The following CBLB variants were observed in gnomAD, a reference collection of about 807,000 sequenced individuals.
CBLB encodes Cbl proto-oncogene B.
CBLB carries 31 observed loss-of-function variants against 104.9 expected under a neutral mutation model. The observed-to-expected ratio is 0.30, with a 90% CI of 0.22 to 0.40. The LOEUF (loss-of-function observed/expected upper bound fraction) is 0.40. Ranked by LOEUF, CBLB falls within the 10% of genes least tolerant of loss-of-function variation. The pLI is 1.00. For synonymous variants in CBLB, 440 were observed against 422.6 expected (o/e 1.04, Z -0.51); for missense variants, 1,062 against 1,214.6 (o/e 0.87, Z 1.87).
intron 3 of CBLB, among the ~76,000 whole-genome samples, chr3:105,853,024 C>T (rs2091158127): frequency 6.6e-6 from 1 of 152,202 alleles, no homozygotes; most frequent in South Asian, 2.1e-4. Context: ...GCCTTTTATA[C>T]AGTATTTTTA....
chr3:105,778,379 G>A (rs1256344142), intron 3 of CBLB, among the ~76,000 whole-genome samples: 1 of 152,022 alleles, frequency 6.6e-6, no homozygotes, highest in Non-Finnish European at 1.5e-5. Flanking sequence ...CATTTAATAT[G>A]CACCTGACAA....
chr3:105,690,123 A>G (rs1227191677), intron 13 of CBLB, among the ~76,000 whole-genome samples: 1 of 152,180 alleles, frequency 6.6e-6, no homozygotes, highest in Non-Finnish European at 1.5e-5. Context: ...TTATAACAAC[A>G]TAGTATAAAT....
chr3:105,696,973 C>T (rs1345209979), intron 12 of CBLB, among the ~76,000 whole-genome samples: 1 of 151,928 alleles, frequency 6.6e-6, no homozygotes, highest in Non-Finnish European at 1.5e-5. Flanking sequence ...CAGTGACCCT[C>T]TTGCATGAAG....
intron 3 of CBLB, among the ~76,000 whole-genome samples, chr3:105,836,639 T>C (rs2088563830): frequency 6.6e-6 from 1 of 152,160 alleles, no homozygotes; most frequent in South Asian, 2.1e-4. Context: ...TGACGGTTTC[T>C]TACATGAAGG....
chr3:105,836,708 T>C (rs1385478145), intron 3 of CBLB, among the ~76,000 whole-genome samples: 1 of 151,982 alleles, frequency 6.6e-6, no homozygotes, highest in Admixed American at 6.6e-5. Flanking sequence ...CTAGTTAACT[T>C]ACAAAAACAC....
chr3:105,784,961 T>C (rs576055062), intron 3 of CBLB, among the ~76,000 whole-genome samples: 1 of 152,352 alleles, frequency 6.6e-6, no homozygotes, highest in African/African-American at 2.4e-5. Flanking sequence ...TGTTGAATTC[T>C]CAAATGCACC....
intron 7 of CBLB, among the ~76,000 whole-genome samples, chr3:105,737,796 T>C (rs1375280119): frequency 6.6e-6 from 1 of 152,142 alleles, no homozygotes; most frequent in Non-Finnish European, 1.5e-5. Flanking sequence ...CACAAACACA[T>C]GTGCACATAT....
chr3:105,829,703 C>CAAAAAAAAAAAAAAAA (rs1553844797), intron 3 of CBLB, among the ~76,000 whole-genome samples: 2 of 60,104 alleles, frequency 3.3e-5, no homozygotes, highest in Non-Finnish European at 3.6e-5. Context: ...AAAAAAAAAC[C>CAAAAAAAAAAAAAAAA]AAACTGCAGC....
intron 9 of CBLB, among the ~76,000 whole-genome samples, chr3:105,730,678 G>A (rs1277253193): frequency 6.6e-6 from 1 of 152,044 alleles, no homozygotes; most frequent in Non-Finnish European, 1.5e-5. Flanking sequence ...TTAATGATGA[G>A]CTGCTTTGTG....
At chr3:105,772,587 C>T (rs1488085534) in intron 4 of CBLB, among the ~76,000 whole-genome samples, 1 of 152,130 alleles carries the variant, frequency 6.6e-6, no homozygotes, top group Non-Finnish European at 1.5e-5. Flanking sequence ...ACAACTCACA[C>T]AGTGGGAGAA....
At chr3:105,788,951 C>T (rs2081330120) in intron 3 of CBLB, among the ~76,000 whole-genome samples, 1 of 152,150 alleles carries the variant, frequency 6.6e-6, no homozygotes, top group Non-Finnish European at 1.5e-5. Flanking sequence ...CAAGTATGTT[C>T]CCAGCTGCCA....
At chr3:105,748,738 C>T (rs2076336185) in intron 5 of CBLB, among the ~76,000 whole-genome samples, 3 of 152,204 alleles carry the variant, frequency 2.0e-5, no homozygotes, top group African/African-American at 7.2e-5. Flanking sequence ...CAGGTTCTGC[C>T]TGCATATAAG....
chr3:105,810,814 G>C (rs900525292), intron 3 of CBLB, among the ~76,000 whole-genome samples: 6 of 152,088 alleles, frequency 3.9e-5, no homozygotes, highest in African/African-American at 1.4e-4. Flanking sequence ...CTTGTTAGGA[G>C]TAAATGCCTG....
intron 2 of CBLB, among the ~76,000 whole-genome samples, chr3:105,858,021 T>C (rs1332404069): frequency 1.3e-5 from 2 of 152,080 alleles, no homozygotes; most frequent in Non-Finnish European, 2.9e-5. Context: ...AGAGCAAGCA[T>C]GTTAAGAGAG....
chr3:105,708,521 T>C (rs1344956304), intron 10 of CBLB, among the ~76,000 whole-genome samples: 2 of 152,126 alleles, frequency 1.3e-5, no homozygotes, highest in Non-Finnish European at 2.9e-5. Context: ...TAAGCTCTAA[T>C]GCCAACTGGT....
chr3:105,721,824 T>C (rs560258021), intron 9 of CBLB, among the ~76,000 whole-genome samples: 2 of 152,222 alleles, frequency 1.3e-5, no homozygotes, highest in African/African-American at 4.8e-5. Context: ...CTTTCTCCTA[T>C]AAAAAGAGTA....
intron 16 of CBLB, chr3:105,681,273 C>T (rs2066283170): frequency 3.3e-6 from 2 of 598,074 alleles, no homozygotes; most frequent in Non-Finnish European, 5.9e-6. Flanking sequence ...CTGACTGATG[C>T]CCAACTACTA....
At chr3:105,827,723 G>A (rs570985509) in intron 3 of CBLB, among the ~76,000 whole-genome samples, 2 of 152,274 alleles carry the variant, frequency 1.3e-5, no homozygotes, top group South Asian at 2.1e-4. Context: ...CTCTGTTTAC[G>A]CCTCAAATGG....
chr3:105,831,902 T>C (rs2087586610), intron 3 of CBLB, among the ~76,000 whole-genome samples: 1 of 151,824 alleles, frequency 6.6e-6, no homozygotes, highest in Non-Finnish European at 1.5e-5. Context: ...CATTATGTTT[T>C]TTAAATTATT....
Sources: allele counts gnomAD v4.1 joint callset (sites outside exome capture counted in the v4.1 genomes callset), GRCh38; gene constraint gnomAD v4.1.1; transcripts MANE v1.5; gene names NCBI Gene and HGNC (gene_info 2026-07-23, HGNC 2026-07-21).